The following UBE2G1 variants were observed in gnomAD, a reference collection of about 807,000 sequenced individuals.
The protein encoded by UBE2G1 is ubiquitin-conjugating enzyme E2 G1.
In UBE2G1, 5 loss-of-function variants were observed where a neutral mutation model predicts 22.7. The ratio of observed to expected loss-of-function variants is 0.22; its 90% CI spans 0.12 to 0.46. UBE2G1 has a LOEUF of 0.46. Among genes scored for constraint, UBE2G1 ranks in the 20% least tolerant of loss-of-function variants. The pLI is 0.99. For missense variants in UBE2G1, 88 were observed against 203.9 expected, an observed-to-expected ratio of 0.43 and a Z score of 3.46; for synonymous variants, 74 against 67.5, an observed-to-expected ratio of 1.10 and a Z score of -0.47.
intron 1 of UBE2G1, among the ~76,000 whole-genome samples, chr17:4,365,599 C>G (rs1034152677): frequency 3.9e-5 from 6 of 152,056 alleles, no homozygotes; most frequent in African/African-American, 1.2e-4. Flanking sequence ...GCTCTCCCCG[C>G]GGCCCGCTCC....
intron 1 of UBE2G1, among the ~76,000 whole-genome samples, chr17:4,318,221 T>C (rs1969399225): frequency 6.6e-6 from 1 of 152,208 alleles, no homozygotes; most frequent in East Asian, 1.9e-4. Flanking sequence ...AAATTGCTCA[T>C]TAATTAGGCT....
chr17:4,286,745 T>C (rs1239465529), intron 4 of UBE2G1, among the ~76,000 whole-genome samples: 1 of 152,110 alleles, frequency 6.6e-6, no homozygotes, highest in Non-Finnish European at 1.5e-5. Flanking sequence ...AATTTACTCT[T>C]CTTTAAGATA....
intron 1 of UBE2G1, among the ~76,000 whole-genome samples, chr17:4,316,244 T>G (rs990568386): frequency 2.0e-5 from 3 of 152,196 alleles, no homozygotes; most frequent in African/African-American, 7.2e-5. Context: ...CTGTCAAGTT[T>G]ATTTATACAA....
At chr17:4,330,705 C>A (rs192802735) in intron 1 of UBE2G1, among the ~76,000 whole-genome samples, 1 of 151,332 alleles carries the variant, frequency 6.6e-6, no homozygotes, top group Non-Finnish European at 1.5e-5. Flanking sequence ...CCATTGCGCT[C>A]CAGCCTGGAC....
intron 2 of UBE2G1, among the ~76,000 whole-genome samples, chr17:4,302,958 G>A (rs565040298): frequency 2.6e-5 from 4 of 152,268 alleles, no homozygotes; most frequent in African/African-American, 9.6e-5. Context: ...GGAACATCCA[G>A]GTGAACTTCA....
At chr17:4,302,055 G>A (rs879444022) in intron 2 of UBE2G1, 7 of 499,848 alleles carry the variant, frequency 1.4e-5, no homozygotes, top group African/African-American at 1.4e-4. Context: ...AAAGGGGGGG[G>A]AAGTTTTTAC....
intron 5 of UBE2G1, among the ~76,000 whole-genome samples, chr17:4,280,568 T>TGTAA (rs1968876276): frequency 6.6e-6 from 1 of 151,664 alleles, no homozygotes; most frequent in South Asian, 2.1e-4. Flanking sequence ...AGGCTGGTCT[T>TGTAA]GTAAGTGATC....
intron 1 of UBE2G1, among the ~76,000 whole-genome samples, chr17:4,337,755 T>C (rs1259899672): frequency 6.6e-6 from 1 of 152,032 alleles, no homozygotes; most frequent in Non-Finnish European, 1.5e-5. Context: ...CTAAACACCT[T>C]CAACTGAGCA....
intron 2 of UBE2G1, chr17:4,301,343 C>T (rs1164737641): frequency 8.5e-6 from 4 of 472,024 alleles, no homozygotes; most frequent in Non-Finnish European, 1.6e-5. Context: ...CTCCCACGGG[C>T]GCAATGGAGG....
intron 1 of UBE2G1, among the ~76,000 whole-genome samples, chr17:4,359,851 CAAA>C (rs35941094): frequency 9.3e-6 from 1 of 107,512 alleles, no homozygotes; most frequent in Non-Finnish European, 2.2e-5. Context: ...GGCTCCATCT[CAAA>C]AAAAAAAAAA....
intron 2 of UBE2G1, among the ~76,000 whole-genome samples, chr17:4,297,358 C>CA (rs1017440651): frequency 2.0e-5 from 3 of 151,678 alleles, no homozygotes. Flanking sequence ...GGTATAGCAG[C>CA]AAAAAAAATC....
intron 1 of UBE2G1, among the ~76,000 whole-genome samples, chr17:4,359,150 GAA>G (rs1271313745): frequency 1.3e-5 from 2 of 151,934 alleles, no homozygotes; most frequent in Non-Finnish European, 2.9e-5. Flanking sequence ...TTGATAAAAG[GAA>G]AAGTGTCTCC....
chr17:4,351,336 T>C (rs575626323), intron 1 of UBE2G1, among the ~76,000 whole-genome samples: 1 of 152,352 alleles, frequency 6.6e-6, no homozygotes, highest in Admixed American at 6.5e-5. Context: ...GCTTCCCCAA[T>C]AGCCATGCCA....
rs773550774 is a variant in UBE2G1, at chr17:4,282,808, G to A, written c.*27C>T. 2 of 1,589,322 alleles carry A rather than the reference G, an allele frequency of 1.3e-6. No homozygotes were observed. The highest frequency in any genetic ancestry group is 3.5e-5 in the Admixed American group (2 of 56,572). On this transcript the variant is annotated 3_prime_UTR_variant, in exon 5 of 6. Transcript: ENST00000396981. ...TTAAAATAAACTTACCCTGAAATAA[G>A]TGAAGTTACTAGCTGCTAAATAAAT...
chr17:4,294,935 T>G (rs1598183875), intron 3 of UBE2G1, among the ~76,000 whole-genome samples: 4 of 128,292 alleles, frequency 3.1e-5, no homozygotes, highest in Non-Finnish European at 3.2e-5. Context: ...GAAACGTACG[T>G]GAGGGAGGGA....
intron 4 of UBE2G1, among the ~76,000 whole-genome samples, chr17:4,287,799 T>C (rs1968984425): frequency 6.6e-6 from 1 of 152,118 alleles, no homozygotes; most frequent in Middle Eastern, 3.2e-3. Flanking sequence ...CTAGGAACTA[T>C]TCTAGATTAA....
Position 4,344,613 on chromosome 17 carries a change from C to G in UBE2G1, c.46+21658G>C, listed in dbSNP as rs181633626. Among the ~76,000 whole-genome samples the G allele has an allele frequency of 1.7e-4, 26 of 151,720 alleles. No homozygotes were observed. In the East Asian group the frequency reaches 4.8e-3, roughly 28 times the overall value. On this transcript the variant is annotated intron_variant, in intron 1 of 5. Transcript: ENST00000396981. ...GGTGCGGTGACTCACACCTGTAATC[C>G]TAGCACTTTGGGAGGCTGAGGCCAG... is the stretch of plus-strand genomic sequence containing the variant.
At position 4,359,245 on chromosome 17, in the gene UBE2G1, A is replaced by G. The variant is rs1170545203; in HGVS notation, c.46+7026T>C. Among the ~76,000 whole-genome samples, 3 of 152,334 alleles carry G rather than the reference A, an allele frequency of 2.0e-5. No individual in the cohort carries two copies. The South Asian group carries it at 6.2e-4, about 32-fold the overall frequency. The stretch of plus-strand genomic sequence containing the variant: ...TGTTTTACAAGATTAAAGCAAACAA[A>G]CAACAAACAGCTGCCAGGTAAAAAT... On this transcript the variant is annotated intron_variant, in intron 1 of 5. Transcript: ENST00000396981.
At chr17:4,275,396 T>A (rs998321254) in intron 5 of UBE2G1, among the ~76,000 whole-genome samples, 3 of 152,224 alleles carry the variant, frequency 2.0e-5, no homozygotes, top group Non-Finnish European at 4.4e-5. Flanking sequence ...TTTCGCAGAA[T>A]TTATGTTTCA....
Sources: allele counts gnomAD v4.1 joint callset (sites outside exome capture counted in the v4.1 genomes callset), GRCh38; gene constraint gnomAD v4.1.1; transcripts MANE v1.5; gene names NCBI Gene and HGNC (gene_info 2026-07-23, HGNC 2026-07-21).